Variants in RAMP1 observed in about 807,000 individuals in gnomAD.
The protein encoded by RAMP1 is receptor activity modifying protein 1.
In RAMP1, 7 loss-of-function variants were observed where a neutral mutation model predicts 8.2. The ratio of observed to expected loss-of-function variants is 0.85; its 90% CI spans 0.49 to 1.60. The LOEUF is 1.60. Among genes scored for constraint, RAMP1 ranks in the 40% most tolerant of loss-of-function variants. RAMP1 has a pLI of 0.00. For missense variants in RAMP1, 192 were observed against 202.4 expected, an observed-to-expected ratio of 0.95 and a Z score of 0.31; for synonymous variants, 92 against 84.7, an observed-to-expected ratio of 1.09 and a Z score of -0.47.
At chr2:237,911,390 C>A (rs1188825125) in intron 2 of RAMP1, 138 bp from the exon 3 acceptor site, 15 of 1,246,814 alleles carry the variant, frequency 1.2e-5, no homozygotes, top group Non-Finnish European at 1.7e-5. Context: ...GGATCCAGGG[C>A]CACTGCCTCG....
At chr2:237,909,845 C>A (rs1385701549) in intron 2 of RAMP1, among the ~76,000 whole-genome samples, 1 of 152,078 alleles carries the variant, frequency 6.6e-6, no homozygotes, top group Non-Finnish European at 1.5e-5. Flanking sequence ...GAGCAGAGTC[C>A]TGAGAGCACC....
intron 1 of RAMP1, 198 bp downstream of exon 1, chr2:237,859,925 G>A (rs2062116115): frequency 2.0e-6 from 1 of 491,250 alleles, no homozygotes; most frequent in East Asian, 3.7e-5. Context: ...GGCGGAGGGC[G>A]CGGACCGGTG....
In RAMP1 at chr2:237,878,118, G is replaced by T; in HGVS notation, c.191+756G>T. 1 of 985,436 alleles carries T rather than the reference G, an allele frequency of 1.0e-6. No individual in the cohort carries two copies. The highest frequency in any genetic ancestry group is 1.7e-5 in the African/African-American group (1 of 57,374). The allele number at this position is 985,436 out of a possible 1,614,324, so 61.0% of individuals were successfully genotyped here. ...CCTGGGGCTGCAGTGGGTGAGTAGCGGGGTCAGCAGTGCATGCGTGGAGCT... is the reference window on the plus strand; with the variant it reads ...CCTGGGGCTGCAGTGGGTGAGTAGCTGGGTCAGCAGTGCATGCGTGGAGCT... On this transcript the variant is annotated intron_variant, in intron 2 of 2. Transcript: ENST00000254661. The surrounding 1 kb of genome is among the most constrained non-coding windows in gnomAD (Gnocchi z 5.7).
At chr2:237,888,590 C>A (rs974562401) in intron 2 of RAMP1, among the ~76,000 whole-genome samples, 1 of 152,180 alleles carries the variant, frequency 6.6e-6, no homozygotes, top group Admixed American at 6.5e-5. Flanking sequence ...TGTTTTTTCT[C>A]AAGTGCAAGT....
chr2:237,877,258 G>A lies in RAMP1; in HGVS notation c.87G>A (p.Glu29=), dbSNP rs1193160216. ...TCTTCATGACCACTGCCTGCCAGGA[G>A]GCTAACTACGGTGCCCTCCTCCGGG... ...HHLFMTTACQ[E]ANYGALLREL... The change falls in exon 2 of 3, where the codon GAG becomes GAA. Residue 29 remains glutamate (E), a synonymous_variant. Coordinates refer to ENST00000254661, the MANE Select transcript of RAMP1 (RefSeq NM_005855.4). This position sits in a 1 kb window ranked among gnomAD's most constrained non-coding sequence, Gnocchi z 4.4. 2 of 1,614,048 alleles carry A rather than the reference G, an allele frequency of 1.2e-6. No homozygotes were observed. The highest frequency in any genetic ancestry group is 2.2e-5 in the South Asian group (2 of 91,084).
intron 2 of RAMP1, among the ~76,000 whole-genome samples, chr2:237,899,012 A>G (rs1576553547): frequency 6.6e-6 from 1 of 152,328 alleles, no homozygotes; most frequent in East Asian, 1.9e-4. Context: ...GCTGGCTGCC[A>G]CGAAAATGCC....
chr2:237,860,629 A>G (rs548895414), intron 1 of RAMP1, among the ~76,000 whole-genome samples: 9 of 152,392 alleles, frequency 5.9e-5, no homozygotes, highest in Non-Finnish European at 8.8e-5. Context: ...TGAATAGGTT[A>G]CTGGCGTGGG....
intron 2 of RAMP1, among the ~76,000 whole-genome samples, chr2:237,897,674 GT>G (rs1250456008): frequency 1.3e-5 from 2 of 151,998 alleles, no homozygotes; most frequent in Admixed American, 1.3e-4. Context: ...GAAGCCTATG[GT>G]GAGGCTTCTT....
chr2:237,868,960 C>G (rs935129316), intron 1 of RAMP1, among the ~76,000 whole-genome samples: 2 of 152,168 alleles, frequency 1.3e-5, no homozygotes, highest in African/African-American at 2.4e-5. Context: ...CTTTCTTGGT[C>G]TTACAAATTT....
chr2:237,895,449 G>A (rs377328973), intron 2 of RAMP1, among the ~76,000 whole-genome samples: 14 of 152,134 alleles, frequency 9.2e-5, no homozygotes, highest in East Asian at 1.9e-4. Context: ...AACACCCCAC[G>A]TTGGGATGTT....
At position 237,898,071 on chromosome 2, in the gene RAMP1, T is replaced by C. The variant is rs145662544; in HGVS notation, c.192-13457T>C. ...TCCTCAGCCTCCCACAGTGCTGGGA[T>C]TGCAGGCGGGAACCACTGTGCCTGG... On this transcript the variant is annotated intron_variant, in intron 2 of 2. Coordinates refer to ENST00000254661, the MANE Select transcript of RAMP1 (RefSeq NM_005855.4). Among the ~76,000 whole-genome samples the C allele has an allele frequency of 8.1e-4, 123 of 152,296 alleles. 1 individual carries two copies. The highest frequency in any genetic ancestry group is 3.4e-3 in the Middle Eastern group (1 of 294).
At chr2:237,864,790 A>C (rs1206102722) in intron 1 of RAMP1, among the ~76,000 whole-genome samples, 1 of 152,252 alleles carries the variant, frequency 6.6e-6, no homozygotes, top group Non-Finnish European at 1.5e-5. Flanking sequence ...ACTTAAATGC[A>C]GCAGGAAATA....
In RAMP1 at chr2:237,894,086, C is replaced by G. The variant is rs2062513880; in HGVS notation, c.191+16724C>G. ...CCAAGTTCACGTGATTCTTGTGCCTCAGCCTCCCTAGAAGCTGGGACTACA... is the reference window on the plus strand; with the variant it reads ...CCAAGTTCACGTGATTCTTGTGCCTGAGCCTCCCTAGAAGCTGGGACTACA... On this transcript the variant is annotated intron_variant, in intron 2 of 2. Transcript: ENST00000254661. Among the ~76,000 whole-genome samples, 4 of 149,630 alleles carry G rather than the reference C, an allele frequency of 2.7e-5. No individual in the cohort carries two copies. The South Asian group carries it at 8.4e-4, about 32-fold the overall frequency.
In RAMP1 at chr2:237,911,976, C is replaced by A; in HGVS notation, c.*193C>A. ...ACCTGGAAGCCCCCCTGGCTGGAGG[C>A]CACCGCCACCCTAGGAAGGGGGCAG... On this transcript the variant is annotated 3_prime_UTR_variant, in exon 3 of 3. Transcript: ENST00000254661. The A allele has an allele frequency of 1.1e-6, 1 of 911,410 alleles. No homozygotes were observed. The highest frequency in any genetic ancestry group is 1.7e-5 in the African/African-American group (1 of 59,694). 56.5% of individuals were successfully genotyped at this position (911,410 alleles called of 1,614,324 possible).
intron 1 of RAMP1, among the ~76,000 whole-genome samples, chr2:237,868,481 A>G (rs573110155): frequency 1.6e-4 from 24 of 151,754 alleles, no homozygotes; most frequent in African/African-American, 5.8e-4. Context: ...TTTTTAGTGC[A>G]ATTTTGTGAA....
Position 237,911,999 on chromosome 2 carries a change from C to A in RAMP1, c.*216C>A. ...GGCCACCGCCACCCTAGGAAGGGGG[C>A]AGGGACGTGACCTTGACTTACCTCT... On this transcript the variant is annotated 3_prime_UTR_variant, in exon 3 of 3. Transcript: ENST00000254661. The A allele has an allele frequency of 1.3e-6, 1 of 754,184 alleles. No individual in the cohort carries two copies. The highest frequency in any genetic ancestry group is 2.1e-6 in the Non-Finnish European group (1 of 480,942). The allele number at this position is 754,184 out of a possible 1,614,324, so 46.7% of individuals were successfully genotyped here. A position where few individuals can be genotyped will look rare whatever the true frequency, so the allele number is the denominator to read the frequency against.
At chr2:237,895,714 G>A (rs567800646) in intron 2 of RAMP1, among the ~76,000 whole-genome samples, 25 of 98,160 alleles carry the variant, frequency 2.5e-4, no homozygotes, top group African/African-American at 9.7e-4. Flanking sequence ...CAGAGAGGGT[G>A]AGTATGCTTT....
intron 2 of RAMP1, among the ~76,000 whole-genome samples, chr2:237,890,035 C>T (rs567711360): frequency 2.4e-4 from 36 of 152,330 alleles, no homozygotes; most frequent in African/African-American, 7.7e-4. Flanking sequence ...CCTCCTTCAG[C>T]GCTGTGAGCC....
At chr2:237,864,141 AGTGACCTGGCCC>A (rs1231032173) in intron 1 of RAMP1, among the ~76,000 whole-genome samples, 3 of 148,662 alleles carry the variant, frequency 2.0e-5, no homozygotes, top group South Asian at 4.2e-4. Flanking sequence ...GGGGAGGCAG[AGTGACCTGGCCC>A]GTGGCCTGGG....
Sources: allele counts gnomAD v4.1 joint callset (sites outside exome capture counted in the v4.1 genomes callset), GRCh38; gene constraint gnomAD v4.1.1; non-coding constraint Gnocchi (gnomAD v3.1); transcripts MANE v1.5; gene names NCBI Gene and HGNC (gene_info 2026-07-23, HGNC 2026-07-21).